ZNF197: variants seen among roughly 807,000 people sequenced by gnomAD.
The protein encoded by ZNF197 is VHL-associated KRAB-A domain-containing protein.
ZNF197 carries 14 observed loss-of-function variants against 27.4 expected under a neutral mutation model. That is an observed-to-expected ratio of 0.51 (90% CI 0.34 to 0.80). ZNF197 has a LOEUF of 0.80. ZNF197 is among the 30% of genes least tolerant of loss of function. The pLI is 0.02. For missense variants in ZNF197, 1,090 were observed against 1,222.6 expected (o/e 0.89, Z 1.62); for synonymous variants, 415 against 420.0 (o/e 0.99, Z 0.15).
intron 1 of ZNF197, among the ~76,000 whole-genome samples, chr3:44,627,500 C>G (rs1236509228): frequency 6.6e-6 from 1 of 152,026 alleles, no homozygotes; most frequent in Non-Finnish European, 1.5e-5. Flanking sequence ...CCTCATAGTC[C>G]AATGATCCTT....
chr3:44,632,312 T>C, intron 4 of ZNF197, 116 bp downstream of exon 4: 2 of 1,506,166 alleles, frequency 1.3e-6, no homozygotes, highest in South Asian at 1.2e-5. Flanking sequence ...TCAGGGTCTA[T>C]GCTATTGGAA....
At chr3:44,629,664 C>A in intron 2 of ZNF197, 120 bp downstream of exon 2, 1 of 1,264,408 alleles carries the variant, frequency 7.9e-7, no homozygotes, top group Non-Finnish European at 1.1e-6. Context: ...AGCACACTAG[C>A]AACCTTAATG....
At position 44,629,071 on chromosome 3, in the gene ZNF197, T is replaced by C. The variant is rs558837145; in HGVS notation, c.-81-3T>C. Reference sequence around the variant, plus strand: ...TTAACAATGATTTCTTGAGGTCTTGTAGATGATACTCTCCAAGCTGTAAGG... The same window carrying C: ...TTAACAATGATTTCTTGAGGTCTTGCAGATGATACTCTCCAAGCTGTAAGG... On this transcript the variant is annotated splice_region_variant and splice_polypyrimidine_tract_variant and intron_variant, in intron 1 of 5. Transcript: ENST00000344387. The C allele has an allele frequency of 8.3e-5, 125 of 1,510,208 alleles. No homozygotes were observed. Among genetic ancestry groups the C allele is most frequent in the Non-Finnish European group, 8.7e-5 (98 of 1,130,966 alleles). 93.6% of individuals were successfully genotyped at this position (1,510,208 alleles called of 1,614,324 possible). A position where few individuals can be genotyped will look rare whatever the true frequency, so the allele number is the denominator to read the frequency against.
intron 5 of ZNF197, 83 bp from the exon 6 acceptor site, chr3:44,641,817 G>C: frequency 6.9e-7 from 1 of 1,439,380 alleles, no homozygotes; most frequent in Non-Finnish European, 9.2e-7. Context: ...TGCCTTCCTA[G>C]AATGTTTTAA....
chr3:44,626,607 T>C (rs1701677948), intron 1 of ZNF197, among the ~76,000 whole-genome samples: 2 of 152,318 alleles, frequency 1.3e-5, no homozygotes, highest in Admixed American at 1.3e-4. Context: ...TTAAAAAATA[T>C]ACAAATGACT....
Position 44,644,083 on chromosome 3 carries a change from C to A in ZNF197, c.2953C>A (p.Pro985Thr), listed in dbSNP as rs753056850. Residue 985 changes from proline to threonine, a missense_variant, in exon 6 of 6, where the codon CCT becomes ACT. Pro to Thr is a conservative substitution (Grantham distance 38). Coordinates refer to ENST00000344387, the MANE Select transcript of ZNF197 (RefSeq NM_006991.5). ...VHQKIHTDEK[P>T]CECDVSEKEF... ...TCAGAAAATCCACACAGATGAAAAA[C>A]CTTGTGAATGTGATGTGTCTGAAAA... 1 of 1,614,074 alleles carries A rather than the reference C, an allele frequency of 6.2e-7. No homozygotes were observed. Among genetic ancestry groups the A allele is most frequent in the South Asian group, 1.1e-5 (1 of 91,076 alleles).
Position 44,644,902 on chromosome 3 carries a change from A to G in ZNF197, c.*682A>G. On this transcript the variant is annotated 3_prime_UTR_variant, in exon 6 of 6. Transcript: ENST00000344387. ...ATAAAACTAAAAATTTAATAATAAA[A>G]AGTGGACATTGTTTTTTAAAATGTG... 3.1e-6 allele frequency: 3 copies of G among 980,304 alleles called. No homozygotes were observed. Among genetic ancestry groups the G allele is most frequent in the Non-Finnish European group, 3.6e-6 (3 of 825,296 alleles). The allele number at this position is 980,304 out of a possible 1,614,324, so 60.7% of individuals were successfully genotyped here.
intron 3 of ZNF197, 134 bp downstream of exon 3, chr3:44,631,355 C>A: frequency 9.1e-7 from 1 of 1,098,568 alleles, no homozygotes. Flanking sequence ...TTCTGCTGTT[C>A]TGTTGTTCTC....
chr3:44,629,636 A>C (rs2125795044), intron 2 of ZNF197, 92 bp downstream of exon 2: 1 of 1,429,584 alleles, frequency 7.0e-7, no homozygotes, highest in Non-Finnish European at 9.2e-7. Flanking sequence ...ATTTTCATTA[A>C]AAATTAATAG....
intron 5 of ZNF197, among the ~76,000 whole-genome samples, chr3:44,635,545 A>G (rs530083578): frequency 6.6e-6 from 1 of 152,326 alleles, no homozygotes; most frequent in African/African-American, 2.4e-5. Flanking sequence ...CTCAATTTTC[A>G]TGCATCGATA....
At chr3:44,630,884 C>G (rs745631074) in intron 2 of ZNF197, 178 bp from the exon 3 acceptor site, 3 of 845,278 alleles carry the variant, frequency 3.5e-6, no homozygotes, top group Non-Finnish European at 5.8e-6. Context: ...GAGTGGGGCT[C>G]GAGGGCAGCT....
In ZNF197 at chr3:44,641,944, A is replaced by G; in HGVS notation, c.814A>G (p.Ser272Gly). ...GAATGAGGAGGTGACATCAAAGCCAAGTAGTTCTCAAAGAGCAGACTCTCA... is the reference window on the plus strand; with the variant it reads ...GAATGAGGAGGTGACATCAAAGCCAGGTAGTTCTCAAAGAGCAGACTCTCA... ...TENEEVTSKP[S>G]SSQRADSHKG... Residue 272 changes from serine to glycine, a missense_variant, in exon 6 of 6, where the codon AGT becomes GGT. By Grantham distance (56) the Ser-to-Gly change is moderately conservative (BLOSUM62 0). Transcript: ENST00000344387. 6.2e-7 allele frequency: 1 copy of G among 1,611,336 alleles called. No homozygotes were observed. The highest frequency in any genetic ancestry group is 8.5e-7 in the Non-Finnish European group (1 of 1,178,754).
chr3:44,626,574 G>A (rs115349461), intron 1 of ZNF197, among the ~76,000 whole-genome samples: 9 of 152,180 alleles, frequency 5.9e-5, no homozygotes, highest in African/African-American at 2.2e-4. Context: ...TGGAAACATG[G>A]GCAAAATATA....
chr3:44,642,206 A>G lies in ZNF197; in HGVS notation c.1076A>G (p.Glu359Gly), dbSNP rs1246323354. The stretch of plus-strand genomic sequence containing the variant: ...TTGACTTTCGGTTCAGCTATTTCTG[A>G]AAGTTTAATAGGTACTGAAGGAAAG... ...DSLTFGSAIS[E>G]SLIGTEGKKF... The change falls in exon 6 of 6, where the codon GAA (glutamate) becomes GGA (glycine). Residue 359 changes from glutamate to glycine, a missense_variant. By Grantham distance (98) the Glu-to-Gly change is moderately conservative (BLOSUM62 -2). Transcript: ENST00000344387. The G allele has an allele frequency of 1.2e-6, 2 of 1,614,186 alleles. No homozygotes were observed. Among genetic ancestry groups the G allele is most frequent in the Non-Finnish European group, 1.7e-6 (2 of 1,180,012 alleles).
chr3:44,642,196 G>T lies in ZNF197; in HGVS notation c.1066G>T (p.Ala356Ser). The change falls in exon 6 of 6, where the codon GCT becomes TCT. Residue 356 changes from alanine (A) to serine (S), a missense_variant. Ala to Ser is a moderately conservative substitution (Grantham distance 99, BLOSUM62 1). Coordinates refer to ENST00000344387, the MANE Select transcript of ZNF197 (RefSeq NM_006991.5). ...ELGDSLTFGS[A>S]ISESLIGTEG... ...AGGAGACAGCTTGACTTTCGGTTCA[G>T]CTATTTCTGAAAGTTTAATAGGTAC... is the stretch of plus-strand genomic sequence containing the variant. The T allele has an allele frequency of 6.2e-7, 1 of 1,614,100 alleles. No homozygotes were observed. The highest frequency in any genetic ancestry group is 1.6e-4 in the Middle Eastern group (1 of 6,062).
At position 44,645,841 on chromosome 3, in the gene ZNF197, TTACC is replaced by T. The variant is rs1702924548; in HGVS notation, c.*1622_*1625del. 3 of 985,434 alleles carry T rather than the reference TTACC, an allele frequency of 3.0e-6. No individual in the cohort carries two copies. The highest frequency in any genetic ancestry group is 1.0e-3 in the Middle Eastern group (2 of 1,914). The allele number at this position is 985,434 out of a possible 1,614,324, so 61.0% of individuals were successfully genotyped here. On this transcript the variant is annotated 3_prime_UTR_variant, in exon 6 of 6. Coordinates refer to ENST00000344387, the MANE Select transcript of ZNF197 (RefSeq NM_006991.5). Reference sequence around the variant, plus strand: ...TCCACTTGTGGGCAGTCAGTGCCCATTACCCCCTGTGAACCATTCTGTGCCCTTG... The same window carrying T: ...TCCACTTGTGGGCAGTCAGTGCCCATCCCTGTGAACCATTCTGTGCCCTTG...
intron 5 of ZNF197, among the ~76,000 whole-genome samples, chr3:44,634,912 C>T (rs1255012507): frequency 6.6e-6 from 1 of 151,988 alleles, no homozygotes; most frequent in Non-Finnish European, 1.5e-5. Flanking sequence ...GCCTCAAACT[C>T]CTGGCCTCAA....
rs1225161356 is a variant in ZNF197 at position 44,648,082 on chromosome 3, AAAACTAAAGAGCTGTAACC to A, written c.*3865_*3883del. 6.6e-6 allele frequency: 1 copy of A among 152,232 alleles called. No homozygotes were observed. The highest frequency in any genetic ancestry group is 2.4e-5 in the African/African-American group (1 of 41,462). The allele number at this position is 152,232 out of a possible 1,614,324, so 9.4% of individuals were successfully genotyped here. A position where few individuals can be genotyped will look rare whatever the true frequency, so the allele number is the denominator to read the frequency against. On this transcript the variant is annotated 3_prime_UTR_variant, in exon 6 of 6. Transcript: ENST00000344387. ...AAACCAACAATGGCAACGAAAACCC[AAAACTAAAGAGCTGTAACC>A]AACTAAAGTGTGTGAAACTGATTTG...
Position 44,643,315 on chromosome 3 carries a change from A to G in ZNF197, c.2185A>G (p.Thr729Ala). The change falls in exon 6 of 6, where the codon ACA becomes GCA. Residue 729 changes from threonine (T) to alanine (A), a missense_variant. Coordinates refer to ENST00000344387, the MANE Select transcript of ZNF197 (RefSeq NM_006991.5). ...KSFMVHQKLH[T>A]QEKAYKCEDC... ...TTTTATGGTCCATCAGAAACTCCAT[A>G]CACAAGAGAAAGCCTACAAATGTGA... is the stretch of plus-strand genomic sequence containing the variant. 2 of 1,613,808 alleles carry G rather than the reference A, an allele frequency of 1.2e-6. No individual in the cohort carries two copies. Among genetic ancestry groups the G allele is most frequent in the East Asian group, 4.5e-5 (2 of 44,878 alleles).
Sources: gnomAD v4.1 joint callset for allele counts (sites outside exome capture counted in the v4.1 genomes callset) on GRCh38, gnomAD v4.1.1 for gene constraint, MANE v1.5 for transcripts, NCBI Gene and HGNC (gene_info 2026-07-23, HGNC 2026-07-21) for gene names.